TAF1C: variants seen among roughly 807,000 people sequenced by gnomAD.
TAF1C encodes the protein TATA-box binding protein associated factor, RNA polymerase I subunit C, also known as TATA box-binding protein-associated factor RNA polymerase I subunit C.
In TAF1C, 79 loss-of-function variants were observed where a neutral mutation model predicts 70.5. The observed-to-expected ratio is 1.12, with a 90% CI of 0.93 to 1.35. The LOEUF (loss-of-function observed/expected upper bound fraction) is 1.35, where lower values mean the gene tolerates loss of function less well. Among genes scored for constraint, TAF1C ranks in the 40% most tolerant of loss-of-function variants. The pLI is 0.00. For missense variants in TAF1C, 1,412 were observed against 1,127.8 expected, an observed-to-expected ratio of 1.25 and a Z score of -3.61; for synonymous variants, 614 against 491.1, an observed-to-expected ratio of 1.25 and a Z score of -3.31.
intron 1 of TAF1C, among the ~76,000 whole-genome samples, chr16:84,186,382 T>C (rs2089490052): frequency 1.3e-5 from 2 of 152,054 alleles, no homozygotes; most frequent in Non-Finnish European, 2.9e-5. Context: ...AGTGAAACCC[T>C]GTCAATACTA....
At position 84,179,038 on chromosome 16, in the gene TAF1C, G is replaced by A. The variant is rs1296131926; in HGVS notation, c.2435C>T (p.Ser812Phe). ...AGTGGCCCGGACGCTGGAGGCCTGG[G>A]AGTGGGGAGGTGTGGTGGCACAGCC... The part of the protein sequence containing the change: ...TPGCATTPPH[S>F]QASSVRATRS... The change falls in exon 15 of 15, where the codon TCC becomes TTC. Residue 812 changes from serine to phenylalanine, a missense_variant. By Grantham distance (155) the Ser-to-Phe change is radical. Transcript: ENST00000566732. The A allele has an allele frequency of 1.2e-6, 2 of 1,610,890 alleles. No individual in the cohort carries two copies. The highest frequency in any genetic ancestry group is 1.7e-6 in the Non-Finnish European group (2 of 1,179,932).
chr16:84,179,924 C>T (rs768186773), intron 14 of TAF1C, 22 bp downstream of exon 14: 12 of 1,595,958 alleles, frequency 7.5e-6, no homozygotes, highest in Non-Finnish European at 9.4e-6. Flanking sequence ...GCCCCCCAAG[C>T]TCACTCCCCC....
In TAF1C at chr16:84,178,558, G is replaced by A. The variant is rs1053535456; in HGVS notation, c.*383C>T. 2.7e-5 allele frequency: 12 copies of A among 437,974 alleles called. No homozygotes were observed. The highest frequency in any genetic ancestry group is 1.5e-4 in the Admixed American group (6 of 40,028). 27.1% of individuals were successfully genotyped at this position (437,974 alleles called of 1,614,324 possible). ...GCCTCACTCCACCCTCACCAAACAC[G>A]AGGAGCCAGCACTCCTGGCCCCCAT... is the stretch of plus-strand genomic sequence containing the variant. On this transcript the variant is annotated 3_prime_UTR_variant, in exon 15 of 15. Transcript: ENST00000566732.
In TAF1C at chr16:84,186,987, T is replaced by C. The variant is rs544448142; in HGVS notation, c.-159A>G. ...CTGGCACCACGAGGGAAATCTCAAGTAGAACCCCAGCTTTGGCACTCGGGA... is the reference window on the plus strand; with the variant it reads ...CTGGCACCACGAGGGAAATCTCAAGCAGAACCCCAGCTTTGGCACTCGGGA... On this transcript the variant is annotated 5_prime_UTR_variant, in exon 1 of 15. Transcript: ENST00000566732. 3.3e-5 allele frequency: 5 copies of C among 152,230 alleles called. No homozygotes were observed. In the South Asian group the frequency reaches 1.0e-3, roughly 32 times the overall value. The allele number at this position is 152,230 out of a possible 1,614,324, so 9.4% of individuals were successfully genotyped here.
rs746847831 is a variant in TAF1C, at chr16:84,182,065, C to T, written c.722-7G>A. 17 of 1,612,528 alleles carry T rather than the reference C, an allele frequency of 1.1e-5. No homozygotes were observed. The highest frequency in any genetic ancestry group is 3.3e-4 in the Middle Eastern group (2 of 6,058). Reference sequence around the variant, plus strand: ...AGAACGACCTCTTGGAAATCTGGGCCTCTCACTAAGGATCAGTGCACGAGC... The same window carrying T: ...AGAACGACCTCTTGGAAATCTGGGCTTCTCACTAAGGATCAGTGCACGAGC... On this transcript the variant is annotated splice_polypyrimidine_tract_variant and splice_region_variant and intron_variant, in intron 7 of 14. Coordinates refer to ENST00000566732, the MANE Select transcript of TAF1C (RefSeq NM_001243156.2). The surrounding 1 kb of genome is among the most constrained non-coding windows in gnomAD (Gnocchi z 5.0).
chr16:84,180,238 CG>C lies in TAF1C; in HGVS notation c.1414del (p.Arg472GlyfsTer64). On this transcript the variant is annotated frameshift_variant, in exon 13 of 15. Coordinates refer to ENST00000566732, the MANE Select transcript of TAF1C (RefSeq NM_001243156.2). LOFTEE classifies it high-confidence loss of function. ...GAGCAGGGGCTGCACGCAGCTGGGC[CG>C]GGGCGGAGGCAGCAGTCGGGCCAGC... ...LLLARLLPPPRPSCVQPLLLG... is the reference protein window; with the variant it reads ...LLLARLLPPPXPSCVQPLLLG... The C allele has an allele frequency of 6.5e-7, 1 of 1,538,662 alleles. No individual in the cohort carries two copies.
In TAF1C at chr16:84,179,634, C is replaced by G; in HGVS notation, c.1839G>C (p.Trp613Cys). Residue 613 changes from tryptophan to cysteine, a missense_variant, in exon 15 of 15, where the codon TGG (tryptophan) becomes TGC (cysteine). By Grantham distance (215) the Trp-to-Cys change is radical. Transcript: ENST00000566732. Reference protein sequence around the residue: ...TSQDTAGCSQWLKALLKVPLA... With the variant: ...TSQDTAGCSQCLKALLKVPLA... ...GGGGCACTTTTAGCAGGGCCTTCAG[C>G]CACTGGCTGCAGCCGGCAGTGTCCT... 1 of 1,612,456 alleles carries G rather than the reference C, an allele frequency of 6.2e-7. No homozygotes were observed. Among genetic ancestry groups the G allele is most frequent in the Non-Finnish European group, 8.5e-7 (1 of 1,179,862 alleles).
In TAF1C at chr16:84,180,272, G is replaced by T; in HGVS notation, c.1381C>A (p.Pro461Thr). 1 of 1,549,292 alleles carries T rather than the reference G, an allele frequency of 6.5e-7. No individual in the cohort carries two copies. The highest frequency in any genetic ancestry group is 1.2e-5 in the South Asian group (1 of 84,338). Residue 461 changes from proline to threonine, a missense_variant, in exon 13 of 15, where the codon CCG (proline) becomes ACG (threonine). Physicochemically the swap from Pro to Thr is conservative, Grantham distance 38 (BLOSUM62 -1). Coordinates refer to ENST00000566732, the MANE Select transcript of TAF1C (RefSeq NM_001243156.2). ...GGCAGCAGTCGGGCCAGCAGGAGCG[G>T]GGAGGGGAGGCCATGGTTCCACTTC... ...MLKWNHGLPS[P>T]LLLARLLPPP...
At chr16:84,180,616 C>G in intron 12 of TAF1C, 2 of 590,886 alleles carry the variant, frequency 3.4e-6, no homozygotes, top group East Asian at 6.9e-5. Context: ...CCAGCAGAAA[C>G]CTGCCTGGCC....
rs761364023 is a variant in TAF1C, at chr16:84,179,329, G to A, written c.2144C>T (p.Ser715Leu). 3.0e-5 allele frequency: 48 copies of A among 1,601,058 alleles called. No individual in the cohort carries two copies. The highest frequency in any genetic ancestry group is 2.5e-4 in the African/African-American group (19 of 74,910). The change falls in exon 15 of 15, where the codon TCG becomes TTG. Residue 715 changes from serine (S) to leucine (L), a missense_variant. Ser to Leu is a moderately radical substitution (Grantham distance 145). Transcript: ENST00000566732. ...CCGCCTGGTCTGTCTCCCGGGCTCC[G>A]AGGTCCTGCCCTGCTGCCTCTCCCA... is the stretch of plus-strand genomic sequence containing the variant. Reference protein sequence around the residue: ...AWWERQQGRTSEPGRQTRRPK... With the variant: ...AWWERQQGRTLEPGRQTRRPK...
chr16:84,185,050 C>A lies in TAF1C; in HGVS notation c.-62G>T. Reference sequence around the variant, plus strand: ...CGAGAGACTGGAAGCTGGTAAGGGGCGCCAGAGTTCCTGAGGAGTGAAAAG... The same window carrying A: ...CGAGAGACTGGAAGCTGGTAAGGGGAGCCAGAGTTCCTGAGGAGTGAAAAG... On this transcript the variant is annotated 5_prime_UTR_variant, in exon 2 of 15. Transcript: ENST00000566732. 3 of 1,568,364 alleles carry A rather than the reference C, an allele frequency of 1.9e-6. No homozygotes were observed. Among genetic ancestry groups the A allele is most frequent in the Non-Finnish European group, 2.6e-6 (3 of 1,156,384 alleles).
chr16:84,183,852 A>G, intron 2 of TAF1C, 74 bp from the exon 3 acceptor site: 1 of 1,154,214 alleles, frequency 8.7e-7, no homozygotes, highest in Non-Finnish European at 1.3e-6. Context: ...ACAGGCATTC[A>G]TCTCTTATCA....
rs753499451 is a variant in TAF1C, at chr16:84,181,583, CG to C, written c.1028+8del. On this transcript the variant is annotated splice_region_variant and intron_variant, in intron 10 of 14. Transcript: ENST00000566732. ...TTAGGGTGGGGGGTTTCACAGGAAG[CG>C]GCGATACCCATCCTCAGGGCTCCAC... is the stretch of plus-strand genomic sequence containing the variant. 6.2e-7 allele frequency: 1 copy of C among 1,613,882 alleles called. No homozygotes were observed. The highest frequency in any genetic ancestry group is 2.2e-5 in the East Asian group (1 of 44,876).
Position 84,184,874 on chromosome 16 carries a change from C to G in TAF1C, c.115G>C (p.Glu39Gln), listed in dbSNP as rs139173825. ...CSWRDALTLPEAQPQNSENGA... is the reference protein window; with the variant it reads ...CSWRDALTLPQAQPQNSENGA... ...ACCTCTGAGTTCTGGGGCTGGGCCT[C>G]TGGCAGAGTCAGTGCGTCTCGCCAG... Residue 39 changes from glutamate (E) to glutamine (Q), a missense_variant, in exon 2 of 15, where the codon GAG (glutamate) becomes CAG (glutamine). Coordinates refer to ENST00000566732, the MANE Select transcript of TAF1C (RefSeq NM_001243156.2). 7 of 1,608,844 alleles carry G rather than the reference C, an allele frequency of 4.4e-6. No homozygotes were observed. The African/African-American group carries it at 9.4e-5, about 21-fold the overall frequency.
Position 84,178,896 on chromosome 16 carries a change from G to A in TAF1C, c.*45C>T. The A allele has an allele frequency of 6.6e-7, 1 of 1,517,950 alleles. No homozygotes were observed. The highest frequency in any genetic ancestry group is 2.3e-5 in the East Asian group (1 of 44,200). 94.0% of individuals were successfully genotyped at this position (1,517,950 alleles called of 1,614,324 possible). The stretch of plus-strand genomic sequence containing the variant: ...GAAGGCACATCTGGTCCCAGAGGAA[G>A]GATGAGGGGCTCTCTGGGGCTTGAG... On this transcript the variant is annotated 3_prime_UTR_variant, in exon 15 of 15. Coordinates refer to ENST00000566732, the MANE Select transcript of TAF1C (RefSeq NM_001243156.2).
In TAF1C at chr16:84,177,914, A is replaced by C. The variant is rs2088828912; in HGVS notation, c.*1027T>G. 1 of 1,274,554 alleles carries C rather than the reference A, an allele frequency of 7.8e-7. No individual in the cohort carries two copies. The allele number at this position is 1,274,554 out of a possible 1,614,324, so 79.0% of individuals were successfully genotyped here. ...CCTTAGGCATGATAAACATTTTAAC[A>C]CCCACGCGAGTCAGTGTATGATTGG... On this transcript the variant is annotated 3_prime_UTR_variant, in exon 15 of 15. Transcript: ENST00000566732.
At chr16:84,184,227 C>T (rs1415782729) in intron 2 of TAF1C, among the ~76,000 whole-genome samples, 1 of 152,226 alleles carries the variant, frequency 6.6e-6, no homozygotes, top group Non-Finnish European at 1.5e-5. Flanking sequence ...GCTAGGAAAC[C>T]AGACTCCCAG....
Position 84,181,029 on chromosome 16 carries a change from T to C in TAF1C, c.1308+14A>G. The C allele has an allele frequency of 6.3e-7, 1 of 1,594,782 alleles. No individual in the cohort carries two copies. The highest frequency in any genetic ancestry group is 8.6e-7 in the Non-Finnish European group (1 of 1,164,670). On this transcript the variant is annotated intron_variant, in intron 12 of 14. Coordinates refer to ENST00000566732, the MANE Select transcript of TAF1C (RefSeq NM_001243156.2). ...GAGCAGAGGTGGGGCGGGGCGGTGT[T>C]GTGTGCCACTCACCTGGGTACAGAC...
chr16:84,178,863 C>G lies in TAF1C; in HGVS notation c.*78G>C. On this transcript the variant is annotated 3_prime_UTR_variant, in exon 15 of 15. Coordinates refer to ENST00000566732, the MANE Select transcript of TAF1C (RefSeq NM_001243156.2). ...GTGGCGAGCTCTGCTTCTCAAGTTT[C>G]AACTGTGGAAGGCACATCTGGTCCC... 4 of 1,459,892 alleles carry G rather than the reference C, an allele frequency of 2.7e-6. No individual in the cohort carries two copies. The highest frequency in any genetic ancestry group is 2.7e-6 in the Non-Finnish European group (3 of 1,094,374). The allele number at this position is 1,459,892 out of a possible 1,614,324, so 90.4% of individuals were successfully genotyped here.
Sources: gnomAD v4.1 joint callset for allele counts (sites outside exome capture counted in the v4.1 genomes callset) on GRCh38, gnomAD v4.1.1 for gene constraint, Gnocchi (gnomAD v3.1) non-coding constraint, MANE v1.5 for transcripts, NCBI Gene and HGNC (gene_info 2026-07-23, HGNC 2026-07-21) for gene names.